The following TMEM237 variants were observed in gnomAD, a reference collection of about 807,000 sequenced individuals.
TMEM237 encodes transmembrane protein 237, also known as amyotrophic lateral sclerosis 2 (juvenile) chromosome region, candidate 4.
Under a neutral mutation model 59.1 loss-of-function variants are expected in TMEM237, and 51 were observed. That is an observed-to-expected ratio of 0.86 (90% CI 0.69 to 1.09). The LOEUF is 1.09. Ranked by LOEUF, TMEM237 falls within the 50% of genes least tolerant of loss-of-function variation. TMEM237 has a pLI of 0.00. For synonymous variants in TMEM237, 140 were observed against 166.1 expected (o/e 0.84, Z 1.21); for missense variants, 475 against 478.3 (o/e 0.99, Z 0.06).
In TMEM237 at chr2:201,629,230, C is replaced by A; in HGVS notation, c.869G>T (p.Arg290Met). The A allele has an allele frequency of 6.4e-7, 1 of 1,552,096 alleles. No homozygotes were observed. Among genetic ancestry groups the A allele is most frequent in the South Asian group, 1.3e-5 (1 of 78,024 alleles). Residue 290 changes from arginine to methionine, a missense_variant and splice_region_variant, in exon 9 of 13, where the codon AGG becomes ATG. Transcript: ENST00000409883. ...LALSTISAFD[R>M]IDFAKISVAI... ...ACAGATCTGGAGTCATAGGCATTACCTGTCAAAAGCTGAAATTGTACTCAG... is the reference window on the plus strand; with the variant it reads ...ACAGATCTGGAGTCATAGGCATTACATGTCAAAAGCTGAAATTGTACTCAG...
chr2:201,625,387 G>T (rs1164475129), intron 12 of TMEM237, among the ~76,000 whole-genome samples: 1 of 151,184 alleles, frequency 6.6e-6, no homozygotes. Context: ...AAAAAAAAAA[G>T]ATATTCAAGG....
intron 7 of TMEM237, among the ~76,000 whole-genome samples, chr2:201,630,236 A>G (rs999775432): frequency 3.9e-5 from 6 of 152,252 alleles, no homozygotes; most frequent in African/African-American, 1.4e-4. Context: ...TTATATGCCT[A>G]TACTATCAAG....
intron 4 of TMEM237, chr2:201,638,724 G>C (rs1401690026): frequency 2.1e-6 from 1 of 467,508 alleles, no homozygotes; most frequent in African/African-American, 2.0e-5. Flanking sequence ...AGACCTTAAA[G>C]AGTCCAGGAA....
At chr2:201,627,197 T>C (rs1307163139) in intron 11 of TMEM237, 124 bp downstream of exon 11, 1 of 639,734 alleles carries the variant, frequency 1.6e-6, no homozygotes, top group African/African-American at 1.8e-5. Context: ...AATAAGTATT[T>C]TCTTGCCATA....
chr2:201,642,845 G>A, intron 1 of TMEM237: 2 of 1,343,352 alleles, frequency 1.5e-6, no homozygotes, highest in Non-Finnish European at 1.9e-6. Context: ...CCTCGGAGTT[G>A]GGGGTAATGT....
chr2:201,623,025 G>A lies in TMEM237; in HGVS notation c.*1230C>T. On this transcript the variant is annotated 3_prime_UTR_variant, in exon 13 of 13. Transcript: ENST00000409883. ...TAGCAGGATGCCTTCAGAATTGCCA[G>A]CAAATTCACAATTCTGTGACAGCAG... The A allele has an allele frequency of 5.8e-6, 1 of 171,602 alleles. No homozygotes were observed. The highest frequency in any genetic ancestry group is 1.5e-4 in the East Asian group (1 of 6,544). 10.6% of individuals were successfully genotyped at this position (171,602 alleles called of 1,614,324 possible).
At position 201,640,918 on chromosome 2, in the gene TMEM237, G is replaced by A. The variant is rs774754921; in HGVS notation, c.49C>T (p.Pro17Ser). ...ARLEEGHLRPPRALPPVPSQD... is the reference protein window; with the variant it reads ...ARLEEGHLRPSRALPPVPSQD... Reference sequence around the variant, plus strand: ...CTTGGCACAGGTGGAAGAGCTCGTGGAGGACGCTGTGGCGGAAAAAATAAA... The same window carrying A: ...CTTGGCACAGGTGGAAGAGCTCGTGAAGGACGCTGTGGCGGAAAAAATAAA... The change falls in exon 2 of 13, where the codon CCA becomes TCA. Residue 17 changes from proline (P) to serine (S), a missense_variant. Coordinates refer to ENST00000409883, the MANE Select transcript of TMEM237 (RefSeq NM_001044385.3). 6.2e-7 allele frequency: 1 copy of A among 1,603,300 alleles called. No homozygotes were observed. The highest frequency in any genetic ancestry group is 8.5e-7 in the Non-Finnish European group (1 of 1,172,284).
chr2:201,642,682 C>A (rs767402625), intron 1 of TMEM237: 15 of 1,601,040 alleles, frequency 9.4e-6, no homozygotes, highest in Non-Finnish European at 1.3e-5. Context: ...GCGCCCCACC[C>A]CTCCCGGCTC....
intron 11 of TMEM237, 136 bp downstream of exon 11, chr2:201,627,185 G>T: frequency 3.4e-6 from 2 of 594,718 alleles, no homozygotes. Flanking sequence ...ATTAACCAAA[G>T]GAATAAGTAT....
intron 1 of TMEM237, among the ~76,000 whole-genome samples, chr2:201,641,707 C>CAT (rs10586927): frequency 0.15 from 22,465 of 149,556 alleles, 2,154 homozygotes; most frequent in East Asian, 0.33. Context: ...ATCGTGTGTG[C>CAT]ATATATATAT....
intron 9 of TMEM237, 71 bp downstream of exon 9, chr2:201,629,159 T>C (rs1957785592): frequency 8.3e-7 from 1 of 1,197,918 alleles, no homozygotes; most frequent in South Asian, 2.2e-5. Flanking sequence ...AAAACTATCA[T>C]GGTCAGTGAC....
rs1446654722 is a variant in TMEM237 at position 201,620,794 on chromosome 2, C to A, written c.*3461G>T. 1.3e-5 allele frequency: 2 copies of A among 152,154 alleles called. No individual in the cohort carries two copies. Among genetic ancestry groups the A allele is most frequent in the African/African-American group, 4.8e-5 (2 of 41,428 alleles). The allele number at this position is 152,154 out of a possible 1,614,324, so 9.4% of individuals were successfully genotyped here. A position where few individuals can be genotyped will look rare whatever the true frequency, so the allele number is the denominator to read the frequency against. On this transcript the variant is annotated 3_prime_UTR_variant, in exon 13 of 13. Coordinates refer to ENST00000409883, the MANE Select transcript of TMEM237 (RefSeq NM_001044385.3). ...GTGCATGAAAATCGTCCTTTCACGGCCTTCCCCAGCTCTATTTGTTAGGAT... is the reference window on the plus strand; with the variant it reads ...GTGCATGAAAATCGTCCTTTCACGGACTTCCCCAGCTCTATTTGTTAGGAT...
chr2:201,636,373 T>A (rs1318654748), intron 5 of TMEM237: 1 of 168,346 alleles, frequency 5.9e-6, no homozygotes, highest in Non-Finnish European at 1.3e-5. Context: ...GCCTGGGACA[T>A]AGAAAGACTA....
At chr2:201,638,779 G>C in intron 4 of TMEM237, 1 of 572,488 alleles carries the variant, frequency 1.7e-6, no homozygotes, top group Non-Finnish European at 3.1e-6. Flanking sequence ...TCTATTCCAT[G>C]AATGCGTCCA....
At chr2:201,637,603 G>A (rs1015157076) in intron 4 of TMEM237, among the ~76,000 whole-genome samples, 1 of 152,134 alleles carries the variant, frequency 6.6e-6, no homozygotes, top group East Asian at 1.9e-4. Flanking sequence ...AATTAGCCGG[G>A]TGTAGTGGCA....
chr2:201,624,182 T>C lies in TMEM237; in HGVS notation c.*73A>G. ...TCTATTACAAATACACATGTATACA[T>C]CTTATAAAAATACATTTAAAAACAA... On this transcript the variant is annotated 3_prime_UTR_variant, in exon 13 of 13. Coordinates refer to ENST00000409883, the MANE Select transcript of TMEM237 (RefSeq NM_001044385.3). 8.9e-7 allele frequency: 1 copy of C among 1,129,162 alleles called. No individual in the cohort carries two copies. The highest frequency in any genetic ancestry group is 1.3e-6 in the Non-Finnish European group (1 of 755,502). The allele number at this position is 1,129,162 out of a possible 1,614,324, so 69.9% of individuals were successfully genotyped here.
intron 6 of TMEM237, 77 bp from the exon 7 acceptor site, chr2:201,632,285 A>G (rs1957814765): frequency 6.6e-7 from 1 of 1,506,022 alleles, no homozygotes; most frequent in Non-Finnish European, 9.1e-7. Context: ...CTAGCTATAA[A>G]TATAATGGAA....
At chr2:201,633,288 T>C (rs764217788) in intron 6 of TMEM237, 23 bp downstream of exon 6, 50 of 1,588,036 alleles carry the variant, frequency 3.1e-5, no homozygotes, top group Non-Finnish European at 4.1e-5. Flanking sequence ...GGAGAATAGT[T>C]AGAAGAATAA....
intron 5 of TMEM237, chr2:201,636,408 T>C (rs1559588965): frequency 5.6e-6 from 1 of 178,354 alleles, no homozygotes; most frequent in Non-Finnish European, 1.2e-5. Context: ...GTTGTTTCAC[T>C]ATATTATTGT....
Sources: gnomAD v4.1 joint callset for allele counts (sites outside exome capture counted in the v4.1 genomes callset) on GRCh38, gnomAD v4.1.1 for gene constraint, MANE v1.5 for transcripts, NCBI Gene and HGNC (gene_info 2026-07-23, HGNC 2026-07-21) for gene names.